KRT85: variants seen among roughly 807,000 people sequenced by gnomAD.
The protein encoded by KRT85 is keratin 85.
KRT85 carries 39 observed loss-of-function variants against 53.7 expected under a neutral mutation model. That is an observed-to-expected ratio of 0.73 (90% confidence interval 0.56 to 0.95). KRT85 has a LOEUF of 0.95. Among genes scored for constraint, KRT85 ranks in the 40% least tolerant of loss-of-function variants. KRT85 has a pLI of 0.00. For missense variants in KRT85, 668 were observed against 686.0 expected (o/e 0.97, Z 0.29); for synonymous variants, 291 against 277.5 (o/e 1.05, Z -0.48).
At position 52,364,125 on chromosome 12, in the gene KRT85, C is replaced by A; in HGVS notation, c.729G>T (p.Glu243Asp). 1 of 1,614,202 alleles carries A rather than the reference C, an allele frequency of 6.2e-7. No individual in the cohort carries two copies. The highest frequency in any genetic ancestry group is 1.1e-5 in the South Asian group (1 of 91,086). Residue 243 changes from glutamate to aspartate, a missense_variant, in exon 4 of 9, where the codon GAG becomes GAT. Physicochemically the swap from Glu to Asp is conservative, Grantham distance 45. Coordinates refer to ENST00000257901, the MANE Select transcript of KRT85 (RefSeq NM_002283.4). ...DCAYLRKSDL[E>D]ANVEALVEES... ...CCTCCACCAGGGCCTCCACATTGGC[C>A]TCCAGGTCTGATTTCCGCAGGTAGG...
At position 52,361,476 on chromosome 12, in the gene KRT85, C is replaced by G; in HGVS notation, c.1321G>C (p.Val441Leu). The G allele has an allele frequency of 6.2e-7, 1 of 1,614,090 alleles. No homozygotes were observed. Among genetic ancestry groups the G allele is most frequent in the Non-Finnish European group, 8.5e-7 (1 of 1,179,942 alleles). The change falls in exon 8 of 9, where the codon GTG becomes CTG. Residue 441 changes from valine (V) to leucine (L), a missense_variant. By Grantham distance (32) the Val-to-Leu change is conservative. Coordinates refer to ENST00000257901, the MANE Select transcript of KRT85 (RefSeq NM_002283.4). ...EHRLCEGVGS[V>L]NVCVSSSRGG... ...TCAGGCAGATACTCACAGACATTCA[C>G]AGAGCCCACACCTTCACACAGCCTA...
At chr12:52,363,899 G>A (rs913782984) in intron 4 of KRT85, among the ~76,000 whole-genome samples, 169 bp downstream of exon 4, 3 of 152,224 alleles carry the variant, frequency 2.0e-5, no homozygotes, top group South Asian at 2.1e-4. Flanking sequence ...ACACATGAAC[G>A]TGGACATGGC....
chr12:52,360,834 C>A lies in KRT85; in HGVS notation c.*19G>T. 1 of 1,611,572 alleles carries A rather than the reference C, an allele frequency of 6.2e-7. No individual in the cohort carries two copies. The highest frequency in any genetic ancestry group is 1.1e-5 in the South Asian group (1 of 90,978). On this transcript the variant is annotated 3_prime_UTR_variant, in exon 9 of 9. Transcript: ENST00000257901. ...AGGCAGGCAGGTGCTTGGCAGGAAG[C>A]CCTGGCTCCATGACTCTACTAGGCA...
intron 2 of KRT85, 132 bp downstream of exon 2, chr12:52,364,830 T>A: frequency 6.5e-7 from 1 of 1,533,700 alleles, no homozygotes; most frequent in South Asian, 1.1e-5. Context: ...TAGGCCCCAC[T>A]GGATATCTGC....
rs1400190641 is a variant in KRT85, at chr12:52,361,046, C to T, written c.1331G>A (p.Cys444Tyr). Residue 444 changes from cysteine (C) to tyrosine (Y), a missense_variant and splice_region_variant, in exon 9 of 9, where the codon TGT (cysteine) becomes TAT (tyrosine). Physicochemically the swap from Cys to Tyr is radical, Grantham distance 194 (BLOSUM62 -2). Transcript: ENST00000257901. ...LCEGVGSVNV[C>Y]VSSSRGGVSC... is the part of the protein sequence containing the mutation. ...GACTCCACCACGGGAGCTGCTGACA[C>T]CTGTGGAGAGAGGAGACATGGAGGG... is the stretch of plus-strand genomic sequence containing the variant. The T allele has an allele frequency of 7.5e-6, 12 of 1,610,564 alleles. No individual in the cohort carries two copies. Among genetic ancestry groups the T allele is most frequent in the Admixed American group, 3.4e-5 (2 of 59,478 alleles).
intron 6 of KRT85, 128 bp downstream of exon 6, chr12:52,362,726 T>A: frequency 6.8e-7 from 1 of 1,469,084 alleles, no homozygotes; most frequent in Non-Finnish European, 9.5e-7. Context: ...CTGATTGCTG[T>A]GAAATATGAT....
rs150588972 is a variant in KRT85, at chr12:52,362,933, C to T, written c.998G>A (p.Arg333His). Residue 333 changes from arginine (R) to histidine (H), a missense_variant, in exon 6 of 9, where the codon CGC becomes CAC. By Grantham distance (29) the Arg-to-His change is conservative (BLOSUM62 0). Transcript: ENST00000257901. ...ATVIRHGETLRRTKEEINELN... is the reference protein window; with the variant it reads ...ATVIRHGETLHRTKEEINELN... ...CTCGTTGATCTCCTCCTTGGTGCGG[C>T]GCAGGGTCTCCCCATGCCTGATCAC... 130 of 1,614,024 alleles carry T rather than the reference C, an allele frequency of 8.1e-5. 1 individual carries two copies. Among genetic ancestry groups the T allele is most frequent in the African/African-American group, 6.7e-4 (50 of 74,904 alleles).
Position 52,360,505 on chromosome 12 carries a change from G to A in KRT85, c.*348C>T, listed in dbSNP as rs908701533. 4.1e-5 allele frequency: 13 copies of A among 318,310 alleles called. No homozygotes were observed. The highest frequency in any genetic ancestry group is 2.8e-4 in the African/African-American group (13 of 46,384). The allele number at this position is 318,310 out of a possible 1,614,324, so 19.7% of individuals were successfully genotyped here. On this transcript the variant is annotated 3_prime_UTR_variant, in exon 9 of 9. Transcript: ENST00000257901. ...ATGGTTAGGATGGCGCCTCCACCCA[G>A]AAGGTGGAGCTTCCGTGCTGACCAC...
chr12:52,364,543 C>G, intron 2 of KRT85, 177 bp from the exon 3 acceptor site: 3 of 1,474,336 alleles, frequency 2.0e-6, no homozygotes, highest in Non-Finnish European at 2.7e-6. Context: ...CCTAGCCTGG[C>G]TTCATTCCGC....
At chr12:52,365,813 G>A (rs1020697825) in intron 1 of KRT85, among the ~76,000 whole-genome samples, 2 of 152,164 alleles carry the variant, frequency 1.3e-5, no homozygotes, top group Non-Finnish European at 2.9e-5. Flanking sequence ...CATGGTAAGC[G>A]ATAGTCTTGA....
chr12:52,367,222 A>G lies in KRT85; in HGVS notation c.184T>C (p.Cys62Arg), dbSNP rs1939287582. 16 of 1,613,420 alleles carry G rather than the reference A, an allele frequency of 9.9e-6. No homozygotes were observed. The highest frequency in any genetic ancestry group is 1.4e-5 in the Non-Finnish European group (16 of 1,179,622). ...GSRSLCNLGS[C>R]GPRIAVGGFR... ...CCACCTACAGCTATCCGGGGCCCGC[A>G]GGAGCCCAGGTTGCAGAGGCTGCGG... is the stretch of plus-strand genomic sequence containing the variant. Residue 62 changes from cysteine to arginine, a missense_variant, in exon 1 of 9, where the codon TGC (cysteine) becomes CGC (arginine). Cys to Arg is a radical substitution (Grantham distance 180). This residue lies in a region of KRT85 where 158 missense variants were observed against 141.8 expected (regional missense o/e 1.11). Coordinates refer to ENST00000257901, the MANE Select transcript of KRT85 (RefSeq NM_002283.4).
At position 52,365,111 on chromosome 12, in the gene KRT85, G is replaced by A. The variant is rs140669518; in HGVS notation, c.480C>T (p.Asn160=). The change falls in exon 2 of 9, where the codon AAC becomes AAT. Residue 160 remains asparagine (N), a synonymous_variant. Coordinates refer to ENST00000257901, the MANE Select transcript of KRT85 (RefSeq NM_002283.4). ...LLETKWQFYQ[N]QRCCESNLEP... ...CCAGGTTGCTCTCGCAGCAGCGCTGGTTCTGGTAGAACTGCCACTTGGTCT... is the reference window on the plus strand; with the variant it reads ...CCAGGTTGCTCTCGCAGCAGCGCTGATTCTGGTAGAACTGCCACTTGGTCT... 3.4e-4 allele frequency: 545 copies of A among 1,614,224 alleles called. 4 individuals carry two copies. The African/African-American group carries it at 6.3e-3, about 19-fold the overall frequency.
At chr12:52,362,613 A>T in intron 6 of KRT85, 142 bp from the exon 7 acceptor site, 1 of 1,224,304 alleles carries the variant, frequency 8.2e-7, no homozygotes, top group South Asian at 1.3e-5. Context: ...GGCTGTGAAT[A>T]TGAGGGAGGA....
Position 52,367,036 on chromosome 12 carries a change from T to C in KRT85, c.370A>G (p.Lys124Glu). ...CTGTTGAGGGACTTGATCTGCTCCT[T>C]CTCCTCCTGCTTCACGCACTGTGCG... ...PNAQCVKQEE[K>E]EQIKSLNSRF... Residue 124 changes from lysine to glutamate, a missense_variant, in exon 1 of 9, where the codon AAG becomes GAG. Physicochemically the swap from Lys to Glu is moderately conservative, Grantham distance 56. Around this residue, in one of 3 missense-constraint regions of KRT85, gnomAD observed 22 missense variants for 46.0 expected, o/e 0.48. Coordinates refer to ENST00000257901, the MANE Select transcript of KRT85 (RefSeq NM_002283.4). The C allele has an allele frequency of 1.9e-6, 3 of 1,613,808 alleles. No individual in the cohort carries two copies. The highest frequency in any genetic ancestry group is 2.5e-6 in the Non-Finnish European group (3 of 1,179,856).
intron 7 of KRT85, 141 bp downstream of exon 7, chr12:52,362,110 T>G: frequency 2.8e-6 from 3 of 1,059,856 alleles, no homozygotes; most frequent in Non-Finnish European, 4.3e-6. Flanking sequence ...CACAGAAGCA[T>G]TCAGTTATTA....
At chr12:52,362,115 T>G (rs144403665) in intron 7 of KRT85, 136 bp downstream of exon 7, 19 of 968,232 alleles carry the variant, frequency 2.0e-5, no homozygotes, top group African/African-American at 3.3e-5. Context: ...AAGCATTCAG[T>G]TATTATTATT....
intron 6 of KRT85, 142 bp downstream of exon 6, chr12:52,362,712 T>C (rs772878836): frequency 1.4e-5 from 19 of 1,381,926 alleles, no homozygotes; most frequent in Non-Finnish European, 1.9e-5. Flanking sequence ...GTCAGTGACA[T>C]GGTCTGATTG....
Position 52,362,961 on chromosome 12 carries a change from T to A in KRT85, c.970A>T (p.Thr324Ser). The A allele has an allele frequency of 6.2e-7, 1 of 1,614,128 alleles. No individual in the cohort carries two copies. Among genetic ancestry groups the A allele is most frequent in the South Asian group, 1.1e-5 (1 of 91,082 alleles). ...YRSKCEEMKA[T>S]VIRHGETLRR... is the part of the protein sequence containing the mutation. ...AGGGTCTCCCCATGCCTGATCACCG[T>A]GGCCTTCATCTCCTCACACTGGAGG... is the stretch of plus-strand genomic sequence containing the variant. Residue 324 changes from threonine (T) to serine (S), a missense_variant, in exon 6 of 9, where the codon ACG (threonine) becomes TCG (serine). Physicochemically the swap from Thr to Ser is moderately conservative, Grantham distance 58. Coordinates refer to ENST00000257901, the MANE Select transcript of KRT85 (RefSeq NM_002283.4).
chr12:52,361,567 G>T, intron 7 of KRT85, 69 bp from the exon 8 acceptor site: 1 of 1,397,810 alleles, frequency 7.2e-7, no homozygotes, highest in Non-Finnish European at 1.0e-6. Context: ...TGGTTGCTTG[G>T]GGACAGAGAG....
Sources: allele counts gnomAD v4.1 joint callset (sites outside exome capture counted in the v4.1 genomes callset), GRCh38; gene constraint gnomAD v4.1.1; regional missense constraint gnomAD v4.1.1; transcripts MANE v1.5; gene names NCBI Gene and HGNC (gene_info 2026-07-23, HGNC 2026-07-21).